ATP6V1A: variants seen among roughly 807,000 people sequenced by gnomAD.
ATP6V1A encodes the protein V-type proton ATPase catalytic subunit A.
In ATP6V1A, 18 loss-of-function variants were observed where a neutral mutation model predicts 70.1. That is an observed-to-expected ratio of 0.26 (90% CI 0.18 to 0.38). ATP6V1A has a LOEUF of 0.38. Among genes scored for constraint, ATP6V1A ranks in the 10% least tolerant of loss-of-function variants. The pLI is 1.00. For synonymous variants in ATP6V1A, 232 were observed against 253.8 expected (o/e 0.91, Z 0.82); for missense variants, 424 against 772.4 (o/e 0.55, Z 5.35).
At chr3:113,761,101 T>C (rs1454085929) in intron 1 of ATP6V1A, among the ~76,000 whole-genome samples, 1 of 151,754 alleles carries the variant, frequency 6.6e-6, no homozygotes, top group Non-Finnish European at 1.5e-5. Context: ...TCTTTTCTTT[T>C]CTTTTTTTTT....
chr3:113,808,080 A>G (rs1262335831), intron 14 of ATP6V1A, among the ~76,000 whole-genome samples: 1 of 150,526 alleles, frequency 6.6e-6, no homozygotes, highest in Non-Finnish European at 1.5e-5. Context: ...CGGTGAGCTG[A>G]GATCACACCA....
intron 1 of ATP6V1A, among the ~76,000 whole-genome samples, chr3:113,775,606 A>G (rs559076406): frequency 2.0e-4 from 31 of 152,320 alleles, no homozygotes; most frequent in Non-Finnish European, 4.1e-4. Flanking sequence ...CTGTTTTTCA[A>G]ATGCAGATAT....
chr3:113,760,945 C>T lies in ATP6V1A; in HGVS notation c.-14+13832C>T, dbSNP rs369012989. Among the ~76,000 whole-genome samples the T allele has an allele frequency of 7.3e-5, 11 of 151,528 alleles. 1 individual carries two copies. Among genetic ancestry groups the T allele is most frequent in the Non-Finnish European group, 1.5e-4 (10 of 67,894 alleles). ...AGCTGGGCATGGTGGCACACACCTG[C>T]GGTCTCAGCTATTCGGGAGGCGGAG... On this transcript the variant is annotated intron_variant, in intron 1 of 14. Coordinates refer to ENST00000273398, the MANE Select transcript of ATP6V1A (RefSeq NM_001690.4).
At chr3:113,749,273 A>G (rs1257960321) in intron 1 of ATP6V1A, among the ~76,000 whole-genome samples, 1 of 147,976 alleles carries the variant, frequency 6.8e-6, no homozygotes, top group Non-Finnish European at 1.5e-5. Context: ...TCACACACAC[A>G]CACACACACA....
chr3:113,803,255 G>A lies in ATP6V1A; in HGVS notation c.1495-328G>A, dbSNP rs113845094. The A allele has an allele frequency of 3.5e-3, 674 of 191,500 alleles. 5 individuals are homozygous for A. Among genetic ancestry groups the A allele is most frequent in the African/African-American group, 0.015 (632 of 43,000 alleles). 11.9% of individuals were successfully genotyped at this position (191,500 alleles called of 1,614,324 possible). ...GAAAGTAAAATAGTGGTTACCAGGG[G>A]CTGGGGGAGGAGAGAAAGGACAGTT... On this transcript the variant is annotated intron_variant, in intron 12 of 14. Transcript: ENST00000273398.
intron 1 of ATP6V1A, among the ~76,000 whole-genome samples, chr3:113,750,961 T>C (rs1353730119): frequency 1.3e-5 from 2 of 152,166 alleles, no homozygotes. Context: ...CTGAAAAATA[T>C]CAAGATAAAG....
At chr3:113,768,928 A>G (rs555707256) in intron 1 of ATP6V1A, among the ~76,000 whole-genome samples, 1 of 152,232 alleles carries the variant, frequency 6.6e-6, no homozygotes, top group South Asian at 2.1e-4. Context: ...TATTTCCAGA[A>G]GGTCTCCAAC....
rs112793791 is a variant in ATP6V1A at position 113,750,148 on chromosome 3, A to G, written c.-14+3035A>G. ...AATGCTGGGGAGGGGTTCAGGTTTG[A>G]TACTTAGGAACCTTCCTATGACATA... On this transcript the variant is annotated intron_variant, in intron 1 of 14. Coordinates refer to ENST00000273398, the MANE Select transcript of ATP6V1A (RefSeq NM_001690.4). Among the ~76,000 whole-genome samples, 109 of 152,300 alleles carry G rather than the reference A, an allele frequency of 7.2e-4. 3 individuals are homozygous for G. Among genetic ancestry groups the G allele is most frequent in the African/African-American group, 2.4e-3 (99 of 41,544 alleles).
chr3:113,756,315 AGTTAATATTTT>A (rs1293293919), intron 1 of ATP6V1A, among the ~76,000 whole-genome samples: 4 of 152,212 alleles, frequency 2.6e-5, no homozygotes, highest in African/African-American at 9.7e-5. Flanking sequence ...ACAGTGCTAT[AGTTAATATTTT>A]GTTAATAGAA....
intron 8 of ATP6V1A, among the ~76,000 whole-genome samples, chr3:113,790,869 G>A (rs961268973): frequency 1.3e-5 from 2 of 152,002 alleles, no homozygotes; most frequent in African/African-American, 4.8e-5. Context: ...TAAAATTCTT[G>A]ATCAATATTT....
intron 14 of ATP6V1A, 85 bp downstream of exon 14, chr3:113,805,610 C>G (rs898082804): frequency 1.5e-6 from 2 of 1,343,228 alleles, no homozygotes; most frequent in East Asian, 4.8e-5. Flanking sequence ...CACTCTGTTG[C>G]GAGGCTGGAG....
At chr3:113,780,711 GT>G (rs755074939) in intron 2 of ATP6V1A, 18 of 1,278,040 alleles carry the variant, frequency 1.4e-5, no homozygotes, top group Admixed American at 7.4e-5. Flanking sequence ...ACTTTTAAAA[GT>G]TTTTTTTATT....
chr3:113,773,916 G>T (rs1246723992), intron 1 of ATP6V1A, among the ~76,000 whole-genome samples: 1 of 152,100 alleles, frequency 6.6e-6, no homozygotes, highest in African/African-American at 2.4e-5. Flanking sequence ...ATTCCACTAT[G>T]CCAGAAGATC....
At chr3:113,753,939 A>C (rs1708618781) in intron 1 of ATP6V1A, among the ~76,000 whole-genome samples, 1 of 152,168 alleles carries the variant, frequency 6.6e-6, no homozygotes, top group Admixed American at 6.5e-5. Context: ...AAAAAATACA[A>C]AGTACAGAGA....
intron 3 of ATP6V1A, among the ~76,000 whole-genome samples, 179 bp from the exon 4 acceptor site, chr3:113,784,045 T>C (rs1234418058): frequency 1.3e-5 from 2 of 152,256 alleles, no homozygotes; most frequent in Non-Finnish European, 2.9e-5. Flanking sequence ...GTTAGATATA[T>C]CTTTTGTCCT....
chr3:113,767,434 G>T (rs913547949), intron 1 of ATP6V1A, among the ~76,000 whole-genome samples: 1 of 152,044 alleles, frequency 6.6e-6, no homozygotes, highest in Non-Finnish European at 1.5e-5. Flanking sequence ...AGTTACTGCT[G>T]TATAAGACAC....
rs185325031 is a variant in ATP6V1A at position 113,795,289 on chromosome 3, G to A, written c.1226+85G>A. The A allele has an allele frequency of 2.3e-5, 32 of 1,417,608 alleles. No homozygotes were observed. The Admixed American group carries it at 4.4e-4, about 20-fold the overall frequency. 87.8% of individuals were successfully genotyped at this position (1,417,608 alleles called of 1,614,324 possible). On this transcript the variant is annotated intron_variant, in intron 10 of 14. Coordinates refer to ENST00000273398, the MANE Select transcript of ATP6V1A (RefSeq NM_001690.4). ...GAAAAAAAGTCACTTATTTTAAAGAGAGAATATTTAGCTCCCGCTGGGAGC... is the reference window on the plus strand; with the variant it reads ...GAAAAAAAGTCACTTATTTTAAAGAAAGAATATTTAGCTCCCGCTGGGAGC...
intron 12 of ATP6V1A, among the ~76,000 whole-genome samples, chr3:113,800,026 T>A (rs1709192543): frequency 6.6e-6 from 1 of 150,870 alleles, no homozygotes; most frequent in African/African-American, 2.4e-5. Context: ...AGGTCAGGAG[T>A]TCAAGACCAG....
chr3:113,780,441 T>G (rs2108026639), intron 2 of ATP6V1A, among the ~76,000 whole-genome samples: 1 of 152,360 alleles, frequency 6.6e-6, no homozygotes, highest in Middle Eastern at 3.4e-3. Context: ...TACCCAATGG[T>G]GGTGACTGAT....
Sources: allele counts gnomAD v4.1 joint callset (sites outside exome capture counted in the v4.1 genomes callset), GRCh38; gene constraint gnomAD v4.1.1; transcripts MANE v1.5; gene names NCBI Gene and HGNC (gene_info 2026-07-23, HGNC 2026-07-21).